Variants in SVEP1 observed in about 807,000 individuals in gnomAD.
The protein encoded by SVEP1 is sushi, von Willebrand factor type A, EGF and pentraxin domain containing 1.
Under a neutral mutation model 367.3 loss-of-function variants are expected in SVEP1, and 164 were observed. The observed-to-expected ratio is 0.45, with a 90% CI of 0.39 to 0.51. The LOEUF is 0.51. SVEP1 is among the 20% of genes least tolerant of loss of function. The pLI, the probability that SVEP1 is intolerant of heterozygous loss-of-function variation, is 0.00. For synonymous variants in SVEP1, 1,666 were observed against 1,611.6 expected (o/e 1.03, Z -0.81); for missense variants, 4,117 against 4,425.3 (o/e 0.93, Z 1.98).
chr9:110,378,595 T>C (rs929353411), intron 44 of SVEP1, among the ~76,000 whole-genome samples: 11 of 152,158 alleles, frequency 7.2e-5, no homozygotes, highest in Non-Finnish European at 1.3e-4. Flanking sequence ...AGAAGCTCTT[T>C]AGTTTAATTA....
At chr9:110,458,435 T>C in intron 20 of SVEP1, 36 bp downstream of exon 20, 1 of 1,572,048 alleles carries the variant, frequency 6.4e-7, no homozygotes, top group Non-Finnish European at 8.7e-7. Flanking sequence ...TTTCCAAGCA[T>C]TCCACTAGAG....
chr9:110,398,904 A>C (rs1181815032), intron 40 of SVEP1, among the ~76,000 whole-genome samples: 6 of 152,210 alleles, frequency 3.9e-5, no homozygotes, highest in Non-Finnish European at 1.5e-5. Flanking sequence ...GTGAGACTGT[A>C]AACTAGTTCA....
intron 41 of SVEP1, among the ~76,000 whole-genome samples, chr9:110,388,485 C>T (rs543452201): frequency 6.6e-6 from 1 of 152,102 alleles, no homozygotes; most frequent in South Asian, 2.1e-4. Context: ...CCAAATGAGT[C>T]CAAATCTTTA....
intron 1 of SVEP1, among the ~76,000 whole-genome samples, chr9:110,557,928 T>C (rs1007758216): frequency 2.0e-5 from 3 of 152,184 alleles, no homozygotes; most frequent in Non-Finnish European, 2.9e-5. Context: ...TTCTGTTACA[T>C]ACAGTAGCCA....
At chr9:110,478,981 C>T (rs10115459) in intron 13 of SVEP1, among the ~76,000 whole-genome samples, 95,623 of 151,288 alleles carry the variant, frequency 0.63, 30,304 homozygotes, top group South Asian at 0.7. Context: ...GTGCATGGCG[C>T]GATCTGGTTC....
At chr9:110,549,585 A>T (rs1333025069) in intron 2 of SVEP1, among the ~76,000 whole-genome samples, 3 of 152,154 alleles carry the variant, frequency 2.0e-5, no homozygotes, top group Non-Finnish European at 4.4e-5. Flanking sequence ...CATTCCACTG[A>T]TTCTAAGGTG....
intron 1 of SVEP1, among the ~76,000 whole-genome samples, chr9:110,556,264 C>T (rs1306992701): frequency 6.6e-6 from 1 of 152,114 alleles, no homozygotes; most frequent in Non-Finnish European, 1.5e-5. Flanking sequence ...AGACGGCACC[C>T]CCACTCCATG....
chr9:110,404,257 A>C (rs1827917613), intron 39 of SVEP1, 70 bp downstream of exon 39: 1 of 1,468,226 alleles, frequency 6.8e-7, no homozygotes, highest in Admixed American at 1.7e-5. Context: ...GATTACTATT[A>C]TAGATACTGC....
intron 22 of SVEP1, 102 bp from the exon 23 acceptor site, chr9:110,451,504 A>C (rs758980075): frequency 1.3e-5 from 9 of 708,842 alleles, no homozygotes; most frequent in Non-Finnish European, 2.1e-5. Context: ...GGGAAATTGG[A>C]AATCATGGCT....
At chr9:110,425,710 C>T (rs569460932) in intron 36 of SVEP1, among the ~76,000 whole-genome samples, 86 of 152,274 alleles carry the variant, frequency 5.6e-4, no homozygotes, top group Non-Finnish European at 5.9e-5. Context: ...ACATAAAACT[C>T]ATCTTACTAT....
intron 3 of SVEP1, among the ~76,000 whole-genome samples, chr9:110,543,404 C>G (rs1830177649): frequency 6.6e-6 from 1 of 152,170 alleles, no homozygotes; most frequent in Non-Finnish European, 1.5e-5. Flanking sequence ...GTGTTCTTGG[C>G]TAGAACCAAC....
At chr9:110,548,722 C>A (rs1830248722) in intron 2 of SVEP1, among the ~76,000 whole-genome samples, 1 of 152,166 alleles carries the variant, frequency 6.6e-6, no homozygotes, top group Non-Finnish European at 1.5e-5. Flanking sequence ...TACTTTATTT[C>A]CCATACTCAG....
chr9:110,458,962 T>A lies in SVEP1; in HGVS notation c.3474A>T (p.Thr1158=). The A allele has an allele frequency of 5.6e-6, 9 of 1,612,704 alleles. No individual in the cohort carries two copies. Among genetic ancestry groups the A allele is most frequent in the Non-Finnish European group, 7.6e-6 (9 of 1,179,090 alleles). ...TGAAGTTCATCTTACTTGAACATTC[T>A]GTGATGGATCTGGAACCAGCGAATG... The part of the protein sequence containing the change: ...TTPFAGSRSI[T]ECSSFSSTFS... The change falls in exon 19 of 48, where the codon ACA becomes ACT. Residue 1158 remains threonine, a synonymous_variant. Coordinates refer to ENST00000374469, the MANE Select transcript of SVEP1 (RefSeq NM_153366.4).
At chr9:110,498,906 G>A (rs1351949004) in intron 7 of SVEP1, 135 bp downstream of exon 7, 7 of 595,014 alleles carry the variant, frequency 1.2e-5, no homozygotes, top group Non-Finnish European at 1.5e-5. Flanking sequence ...AATCCTCATA[G>A]AGGATATTGG....
chr9:110,449,304 A>T lies in SVEP1; in HGVS notation c.4103+755T>A, dbSNP rs573262761. On this transcript the variant is annotated intron_variant, in intron 24 of 47. Transcript: ENST00000374469. ...AGCTTTGATTATTTTACTTTTTTAC[A>T]TTCATGTTAGATTTCTTTTGAACCA... 9.9e-5 allele frequency among the ~76,000 whole-genome samples: 15 copies of T among 152,270 alleles called. No individual in the cohort carries two copies. In the South Asian group the frequency reaches 3.1e-3, roughly 32 times the overall value.
At chr9:110,422,687 AC>A (rs1241834540) in intron 36 of SVEP1, among the ~76,000 whole-genome samples, 2 of 129,530 alleles carry the variant, frequency 1.5e-5, no homozygotes, top group African/African-American at 3.1e-5. Context: ...TTATAGCGGC[AC>A]TATTCACAAT....
At chr9:110,381,781 G>A (rs1426274918) in intron 43 of SVEP1, among the ~76,000 whole-genome samples, 2 of 152,208 alleles carry the variant, frequency 1.3e-5, no homozygotes, top group Non-Finnish European at 2.9e-5. Flanking sequence ...AATATTGACA[G>A]TGAGGTGTTA....
Position 110,407,920 on chromosome 9 carries a change from T to C in SVEP1, c.7680A>G (p.Gln2560=). 1 of 1,613,912 alleles carries C rather than the reference T, an allele frequency of 6.2e-7. No homozygotes were observed. The highest frequency in any genetic ancestry group is 8.5e-7 in the Non-Finnish European group (1 of 1,179,882). The change falls in exon 38 of 48, where the codon CAA becomes CAG. Residue 2560 remains glutamine (Q), a synonymous_variant. Coordinates refer to ENST00000374469, the MANE Select transcript of SVEP1 (RefSeq NM_153366.4). ...CTTCTACAAAACCATTTTCAATGGG[T>C]TGTGGGGAATCACAGTGGATGGCAT... ...SCNAIHCDSP[Q]PIENGFVEGA... is the part of the protein sequence containing the mutation.
At chr9:110,578,068 T>C (rs1228567133) in intron 1 of SVEP1, among the ~76,000 whole-genome samples, 1 of 152,200 alleles carries the variant, frequency 6.6e-6, no homozygotes, top group Non-Finnish European at 1.5e-5. Flanking sequence ...CAAATGTTCA[T>C]AACCTTTAGT....
Sources: gnomAD v4.1 joint callset for allele counts (sites outside exome capture counted in the v4.1 genomes callset) on GRCh38, gnomAD v4.1.1 for gene constraint, MANE v1.5 for transcripts, NCBI Gene and HGNC (gene_info 2026-07-23, HGNC 2026-07-21) for gene names.